Variants in SERPINB5 observed in about 807,000 individuals in gnomAD.
SERPINB5 encodes the protein serpin B5.
In SERPINB5, 27 loss-of-function variants were observed where a neutral mutation model predicts 32.2. That is an observed-to-expected ratio of 0.84 (90% CI 0.62 to 1.16). The LOEUF (loss-of-function observed/expected upper bound fraction) is 1.16. Ranked by LOEUF, SERPINB5 falls within the 50% of genes most tolerant of loss-of-function variation. The pLI is 0.00. For synonymous variants in SERPINB5, 154 were observed against 157.4 expected, an observed-to-expected ratio of 0.98 and a Z score of 0.16; for missense variants, 388 against 436.3, an observed-to-expected ratio of 0.89 and a Z score of 0.99.
chr18:63,503,323 C>T lies in SERPINB5; in HGVS notation c.736-7C>T. On this transcript the variant is annotated splice_polypyrimidine_tract_variant and splice_region_variant and intron_variant, in intron 6 of 6. Transcript: ENST00000382771. The stretch of plus-strand genomic sequence containing the variant: ...AAAAATAATTTCTTTTCATTTTTGT[C>T]CTTCAGATTGAAAAACAACTCAACT... 6.2e-7 allele frequency: 1 copy of T among 1,602,534 alleles called. No individual in the cohort carries two copies. The highest frequency in any genetic ancestry group is 1.1e-5 in the South Asian group (1 of 88,136).
chr18:63,489,315 G>A, intron 3 of SERPINB5, 32 bp from the exon 4 acceptor site: 2 of 1,241,482 alleles, frequency 1.6e-6, no homozygotes, highest in East Asian at 2.3e-5. Context: ...CTTGACTACA[G>A]ACTCTGATTT....
chr18:63,499,941 A>C (rs1909537174), intron 6 of SERPINB5, among the ~76,000 whole-genome samples: 1 of 152,080 alleles, frequency 6.6e-6, no homozygotes, highest in African/African-American at 2.4e-5. Context: ...TGTTATTAGC[A>C]TCTTGCATTA....
At chr18:63,495,932 T>C (rs1909437101) in intron 5 of SERPINB5, among the ~76,000 whole-genome samples, 1 of 152,218 alleles carries the variant, frequency 6.6e-6, no homozygotes, top group Non-Finnish European at 1.5e-5. Flanking sequence ...ACTTTTTGAG[T>C]GACATTACTA....
intron 5 of SERPINB5, among the ~76,000 whole-genome samples, chr18:63,494,547 G>A (rs146036323): frequency 1.3e-5 from 2 of 152,162 alleles, no homozygotes; most frequent in East Asian, 1.9e-4. Flanking sequence ...GCTCCTACGC[G>A]TCAGTTCTAG....
At chr18:63,482,421 T>C (rs60024913) in intron 1 of SERPINB5, among the ~76,000 whole-genome samples, 9,740 of 152,194 alleles carry the variant, frequency 0.064, 966 homozygotes, top group African/African-American at 0.2. Context: ...TCTGTGTGTG[T>C]GCGCCTGAGG....
intron 6 of SERPINB5, among the ~76,000 whole-genome samples, chr18:63,500,069 A>G (rs1909540541): frequency 6.6e-6 from 1 of 151,884 alleles, no homozygotes; most frequent in African/African-American, 2.4e-5. Flanking sequence ...GCTGGAGTGC[A>G]GTGGCATGAT....
rs869236018 is a variant in SERPINB5, at chr18:63,484,741, C to CTTTTTTTTTTTTTT, written c.168+154_168+167dup. 7.4e-3 allele frequency: 804 copies of CTTTTTTTTTTTTTT among 108,144 alleles called. 121 individuals carry two copies. The highest frequency in any genetic ancestry group is 0.01 in the Non-Finnish European group (609 of 59,278). The allele number at this position is 108,144 out of a possible 1,614,324, so 6.7% of individuals were successfully genotyped here. ...TGTGCCATTCCAGGACTCTCTTAAT[C>CTTTTTTTTTTTTTT]TTTTTTTTTTTTTTTTTTTTTTGTG... On this transcript the variant is annotated intron_variant, in intron 2 of 6. Transcript: ENST00000382771.
At chr18:63,490,324 TC>T (rs1457758560) in intron 4 of SERPINB5, among the ~76,000 whole-genome samples, 1 of 151,986 alleles carries the variant, frequency 6.6e-6, no homozygotes, top group Non-Finnish European at 1.5e-5. Context: ...GCTCAGTGCT[TC>T]CCCCAGGCGT....
rs906875680 is a variant in SERPINB5, at chr18:63,503,694, T to C, written c.1100T>C (p.Ile367Thr). 3 of 1,613,988 alleles carry C rather than the reference T, an allele frequency of 1.9e-6. No individual in the cohort carries two copies. Among genetic ancestry groups the C allele is most frequent in the Admixed American group, 1.7e-5 (1 of 60,004 alleles). The change falls in exon 7 of 7, where the codon ATT becomes ACT. Residue 367 changes from isoleucine (I) to threonine (T), a missense_variant. Coordinates refer to ENST00000382771, the MANE Select transcript of SERPINB5 (RefSeq NM_002639.5). Reference sequence around the variant, plus strand: ...AGGCACAACAAAACTCGAAACATTATTTTCTTTGGCAAATTCTGTTCTCCT... The same window carrying C: ...AGGCACAACAAAACTCGAAACATTACTTTCTTTGGCAAATTCTGTTCTCCT... ...IIRHNKTRNIIFFGKFCSP is the reference protein window; with the variant it reads ...IIRHNKTRNITFFGKFCSP
At chr18:63,478,489 G>T (rs1917072147) in intron 1 of SERPINB5, among the ~76,000 whole-genome samples, 1 of 152,166 alleles carries the variant, frequency 6.6e-6, no homozygotes, top group Non-Finnish European at 1.5e-5. Flanking sequence ...AGTCCTCATA[G>T]TCTTTCACAT....
chr18:63,494,724 C>T (rs1194648858), intron 5 of SERPINB5, among the ~76,000 whole-genome samples: 3 of 152,134 alleles, frequency 2.0e-5, no homozygotes, highest in Non-Finnish European at 2.9e-5. Flanking sequence ...TCTTTGTTCC[C>T]ATGGAATTTT....
intron 1 of SERPINB5, among the ~76,000 whole-genome samples, chr18:63,483,892 G>C (rs552266706): frequency 6.6e-6 from 1 of 152,136 alleles, no homozygotes; most frequent in Admixed American, 6.5e-5. Flanking sequence ...CTGTTTCCAC[G>C]TAAGGTCACA....
intron 1 of SERPINB5, among the ~76,000 whole-genome samples, chr18:63,482,364 G>A (rs543101218): frequency 6.6e-6 from 1 of 152,312 alleles, no homozygotes; most frequent in South Asian, 2.1e-4. Flanking sequence ...TAATGCCAGG[G>A]TGCATGTCCT....
rs181257116 is a variant in SERPINB5 at position 63,498,651 on chromosome 18, C to A, written c.568-469C>A. Reference sequence around the variant, plus strand: ...TTTTCAAAGGAACACAAACTCTTCACAGGACAGTCTCTGGTTTCAGTGCAA... The same window carrying A: ...TTTTCAAAGGAACACAAACTCTTCAAAGGACAGTCTCTGGTTTCAGTGCAA... On this transcript the variant is annotated intron_variant, in intron 5 of 6. Transcript: ENST00000382771. The surrounding 1 kb of genome is among the most constrained non-coding windows in gnomAD (Gnocchi z 4.2). Among the ~76,000 whole-genome samples the A allele has an allele frequency of 7.1e-4, 108 of 152,170 alleles. No individual in the cohort carries two copies. Among genetic ancestry groups the A allele is most frequent in the Non-Finnish European group, 2.6e-4 (18 of 67,988 alleles).
At chr18:63,483,481 G>A (rs573336323) in intron 1 of SERPINB5, among the ~76,000 whole-genome samples, 1 of 152,364 alleles carries the variant, frequency 6.6e-6, no homozygotes, top group East Asian at 1.9e-4. Flanking sequence ...TTCTCACAAA[G>A]CACCACAAAC....
rs1909643928 is a variant in SERPINB5 at position 63,504,763 on chromosome 18, T to G, written c.*1041T>G. 1 of 152,184 alleles carries G rather than the reference T, an allele frequency of 6.6e-6. No homozygotes were observed. Among genetic ancestry groups the G allele is most frequent in the African/African-American group, 2.4e-5 (1 of 41,442 alleles). 9.4% of individuals were successfully genotyped at this position (152,184 alleles called of 1,614,324 possible). On this transcript the variant is annotated 3_prime_UTR_variant, in exon 7 of 7. Transcript: ENST00000382771. ...TGATAGCGGGAAAAGGAGAGGAAAC[T>G]ACTGCCTTTAGAAAATATAAGTAAA...
intron 1 of SERPINB5, among the ~76,000 whole-genome samples, chr18:63,483,400 C>T (rs1917155580): frequency 6.6e-6 from 1 of 152,194 alleles, no homozygotes; most frequent in African/African-American, 2.4e-5. Flanking sequence ...ATAACCGCTG[C>T]TGTTTATTAA....
Position 63,492,991 on chromosome 18 carries a change from G to A in SERPINB5, c.463G>A (p.Asp155Asn), listed in dbSNP as rs1352255563. 3.7e-6 allele frequency: 6 copies of A among 1,613,984 alleles called. No homozygotes were observed. Among genetic ancestry groups the A allele is most frequent in the East Asian group, 4.5e-5 (2 of 44,902 alleles). Residue 155 changes from aspartate to asparagine, a missense_variant, in exon 5 of 7, where the codon GAC (aspartate) becomes AAC (asparagine). Transcript: ENST00000382771. The part of the protein sequence containing the change: ...ENILADNSVN[D>N]QTKILVVNAA... ...CATTTTAGCTGACAACAGTGTGAACGACCAGACCAAAATCCTTGTGGTTAA... is the reference window on the plus strand; with the variant it reads ...CATTTTAGCTGACAACAGTGTGAACAACCAGACCAAAATCCTTGTGGTTAA...
chr18:63,486,810 T>C (rs34587228), intron 2 of SERPINB5, 136 bp from the exon 3 acceptor site: 454,476 of 822,698 alleles, frequency 0.55, 132,468 homozygotes, highest in Non-Finnish European at 0.63. Flanking sequence ...GTGCTGAGGT[T>C]GAGGAGCCTT....
Sources: allele counts gnomAD v4.1 joint callset (sites outside exome capture counted in the v4.1 genomes callset), GRCh38; gene constraint gnomAD v4.1.1; non-coding constraint Gnocchi (gnomAD v3.1); transcripts MANE v1.5; gene names NCBI Gene and HGNC (gene_info 2026-07-23, HGNC 2026-07-21).